Variants in RTN1 observed in about 807,000 individuals in gnomAD.
RTN1 encodes reticulon-1.
In RTN1, 25 loss-of-function variants were observed where a neutral mutation model predicts 65.5. That is an observed-to-expected ratio of 0.38 (90% confidence interval 0.28 to 0.53). The LOEUF is 0.53. RTN1 is among the 20% of genes least tolerant of loss of function. The pLI, the probability that RTN1 is intolerant of heterozygous loss-of-function variation, is 0.79. For missense variants in RTN1, 983 were observed against 1,025.4 expected (o/e 0.96, Z 0.57); for synonymous variants, 471 against 447.6 (o/e 1.05, Z -0.66).
chr14:59,745,293 T>C (rs1885192847), intron 2 of RTN1, among the ~76,000 whole-genome samples: 1 of 152,308 alleles, frequency 6.6e-6, no homozygotes, highest in East Asian at 1.9e-4. Context: ...CATTACCCTG[T>C]GTCAGGTATT....
intron 2 of RTN1, among the ~76,000 whole-genome samples, chr14:59,738,773 T>C (rs1885055105): frequency 6.6e-6 from 1 of 152,136 alleles, no homozygotes; most frequent in South Asian, 2.1e-4. Flanking sequence ...AATGATAGAC[T>C]GGATAAAGAA....
intron 1 of RTN1, among the ~76,000 whole-genome samples, chr14:59,853,572 C>G (rs186831007): frequency 4.4e-4 from 67 of 152,290 alleles, no homozygotes; most frequent in African/African-American, 1.4e-3. Context: ...ACCCAGAACT[C>G]TGCCCAGACC....
chr14:59,677,086 G>C (rs1271769343), intron 3 of RTN1, among the ~76,000 whole-genome samples: 1 of 152,174 alleles, frequency 6.6e-6, no homozygotes, highest in Non-Finnish European at 1.5e-5. Context: ...GAGGGGAGCT[G>C]GCTCCCACCT....
At chr14:59,754,377 C>T (rs1470868768) in intron 1 of RTN1, among the ~76,000 whole-genome samples, 1 of 152,162 alleles carries the variant, frequency 6.6e-6, no homozygotes, top group Non-Finnish European at 1.5e-5. Flanking sequence ...GATGATTCTA[C>T]TTTTCTCAAG....
At chr14:59,710,045 C>CT (rs11353177) in intron 3 of RTN1, among the ~76,000 whole-genome samples, 6,706 of 110,722 alleles carry the variant, frequency 0.061, 206 homozygotes, top group African/African-American at 0.084. Flanking sequence ...CTCTTTCTTT[C>CT]TTTTTTTTTT....
At chr14:59,860,126 GAGGTCTTCAC>G (rs1356149863) in intron 1 of RTN1, among the ~76,000 whole-genome samples, 1 of 152,232 alleles carries the variant, frequency 6.6e-6, no homozygotes, top group East Asian at 1.9e-4. Flanking sequence ...GGGCATGTCA[GAGGTCTTCAC>G]AGTAGCCCCT....
chr14:59,621,620 T>C (rs1322004087), intron 3 of RTN1, among the ~76,000 whole-genome samples: 2 of 152,188 alleles, frequency 1.3e-5, no homozygotes, highest in African/African-American at 4.8e-5. Flanking sequence ...TCCCCTTATT[T>C]CTAGAATCCA....
intron 3 of RTN1, among the ~76,000 whole-genome samples, chr14:59,657,625 C>T (rs1055400911): frequency 6.6e-6 from 1 of 152,076 alleles, no homozygotes; most frequent in Non-Finnish European, 1.5e-5. Flanking sequence ...CTTGCCTCAC[C>T]CAGGAAGTGC....
At chr14:59,623,983 A>T (rs923601601) in intron 3 of RTN1, among the ~76,000 whole-genome samples, 1 of 152,234 alleles carries the variant, frequency 6.6e-6, no homozygotes, top group Non-Finnish European at 1.5e-5. Flanking sequence ...GACCACATTT[A>T]AAGCATTTTC....
intron 1 of RTN1, among the ~76,000 whole-genome samples, chr14:59,839,227 T>C (rs900446065): frequency 3.3e-5 from 5 of 152,186 alleles, no homozygotes; most frequent in African/African-American, 1.2e-4. Context: ...CTAACAAATA[T>C]ATGCAGATGT....
chr14:59,664,292 G>A (rs182783264), intron 3 of RTN1, among the ~76,000 whole-genome samples: 4 of 152,168 alleles, frequency 2.6e-5, no homozygotes, highest in East Asian at 1.9e-4. Flanking sequence ...ACAGGGAGGG[G>A]AACATCACAT....
chr14:59,825,418 A>C lies in RTN1; in HGVS notation c.241+44972T>G, dbSNP rs1887013573. Among the ~76,000 whole-genome samples, 1 of 152,212 alleles carries C rather than the reference A, an allele frequency of 6.6e-6. No homozygotes were observed. The highest frequency in any genetic ancestry group is 1.5e-5 in the Non-Finnish European group (1 of 68,036). ...CCTGCAGGCTGAGGTACACAGGAAA[A>C]TGCTCTGATTCAGGGAAAGTTGCTA... On this transcript the variant is annotated intron_variant, in intron 1 of 8. Transcript: ENST00000267484. This position sits in a 1 kb window ranked among gnomAD's most constrained non-coding sequence, Gnocchi z 4.2.
chr14:59,847,201 GTTTC>G (rs1221999818), intron 1 of RTN1, among the ~76,000 whole-genome samples: 1 of 152,128 alleles, frequency 6.6e-6, no homozygotes, highest in East Asian at 1.9e-4. Flanking sequence ...AAATATCATT[GTTTC>G]TTTATCTCCT....
intron 8 of RTN1, among the ~76,000 whole-genome samples, chr14:59,601,634 T>C (rs1393185380): frequency 6.6e-6 from 1 of 152,198 alleles, no homozygotes; most frequent in Non-Finnish European, 1.5e-5. Flanking sequence ...AACTAAGTAT[T>C]GGACAACTTA....
Position 59,825,812 on chromosome 14 carries a change from C to T in RTN1, c.241+44578G>A, listed in dbSNP as rs1299202202. Among the ~76,000 whole-genome samples, 1 of 152,172 alleles carries T rather than the reference C, an allele frequency of 6.6e-6. No individual in the cohort carries two copies. The highest frequency in any genetic ancestry group is 1.5e-5 in the Non-Finnish European group (1 of 68,034). ...GCCATAGAAACTAAATGGCATTACCCAAGGTCTCAAAGTTACTTAGTGACT... is the reference window on the plus strand; with the variant it reads ...GCCATAGAAACTAAATGGCATTACCTAAGGTCTCAAAGTTACTTAGTGACT... On this transcript the variant is annotated intron_variant, in intron 1 of 8. Coordinates refer to ENST00000267484, the MANE Select transcript of RTN1 (RefSeq NM_021136.3). The surrounding 1 kb of genome is among the most constrained non-coding windows in gnomAD (Gnocchi z 4.2).
intron 1 of RTN1, among the ~76,000 whole-genome samples, chr14:59,856,827 T>C (rs1887617403): frequency 6.6e-6 from 1 of 152,216 alleles, no homozygotes. Flanking sequence ...CTATTAATAG[T>C]ACCTTATAGA....
intron 3 of RTN1, among the ~76,000 whole-genome samples, chr14:59,718,073 A>T (rs1184883556): frequency 6.6e-6 from 1 of 152,234 alleles, no homozygotes; most frequent in Admixed American, 6.5e-5. Flanking sequence ...AAAACTGATC[A>T]GTTCCACTGA....
intron 1 of RTN1, among the ~76,000 whole-genome samples, chr14:59,786,852 A>G (rs1886259531): frequency 6.6e-6 from 1 of 152,198 alleles, no homozygotes; most frequent in Non-Finnish European, 1.5e-5. Context: ...GTTTAGCTGT[A>G]AGAGTCACTA....
rs546427209 is a variant in RTN1 at position 59,727,545 on chromosome 14, A to C, written c.1139T>G (p.Leu380Arg). 20 of 1,610,522 alleles carry C rather than the reference A, an allele frequency of 1.2e-5. No individual in the cohort carries two copies. In the African/African-American group the frequency reaches 1.9e-4, roughly 15 times the overall value. ...TAENPRPVGQLADRPEVKARS... is the reference protein window; with the variant it reads ...TAENPRPVGQRADRPEVKARS... The stretch of plus-strand genomic sequence containing the variant: ...GGCCTTGACCTCGGGCCTGTCGGCC[A>C]GCTGGCCCACCGGCCGTGGGTTCTC... Residue 380 changes from leucine (L) to arginine (R), a missense_variant, in exon 3 of 9, where the codon CTG becomes CGG. By Grantham distance (102) the Leu-to-Arg change is moderately radical (BLOSUM62 -2). Transcript: ENST00000267484. This position sits in a 1 kb window ranked among gnomAD's most constrained non-coding sequence, Gnocchi z 4.2.
Sources: allele counts gnomAD v4.1 joint callset (sites outside exome capture counted in the v4.1 genomes callset), GRCh38; gene constraint gnomAD v4.1.1; non-coding constraint Gnocchi (gnomAD v3.1); transcripts MANE v1.5; gene names NCBI Gene and HGNC (gene_info 2026-07-23, HGNC 2026-07-21).